Variants in SORCS3 observed in about 807,000 individuals in gnomAD.
The protein encoded by SORCS3 is VPS10 domain-containing receptor SorCS3.
A neutral mutation model predicts 146.3 loss-of-function variants in SORCS3; 57 were observed. That is an observed-to-expected ratio of 0.39 (90% confidence interval 0.31 to 0.49). SORCS3 has a LOEUF of 0.49. SORCS3 is among the 20% of genes least tolerant of loss of function. SORCS3 has a pLI of 0.92. For missense variants in SORCS3, 1,341 were observed against 1,575.5 expected, an observed-to-expected ratio of 0.85 and a Z score of 2.52; for synonymous variants, 653 against 618.5, an observed-to-expected ratio of 1.06 and a Z score of -0.83.
chr10:104,666,453 G>A (rs923360708), intron 1 of SORCS3, among the ~76,000 whole-genome samples: 4 of 152,088 alleles, frequency 2.6e-5, no homozygotes, highest in Non-Finnish European at 4.4e-5. Context: ...TTTTCTGTCC[G>A]GATCCTTGAA....
At chr10:104,876,047 G>A (rs189648396) in intron 2 of SORCS3, among the ~76,000 whole-genome samples, 2 of 152,102 alleles carry the variant, frequency 1.3e-5, no homozygotes, top group East Asian at 3.9e-4. Flanking sequence ...ATACTTCAAG[G>A]TCAAATGCCA....
intron 2 of SORCS3, among the ~76,000 whole-genome samples, chr10:104,872,411 G>A (rs1589531327): frequency 6.6e-6 from 1 of 151,986 alleles, no homozygotes; most frequent in East Asian, 1.9e-4. Flanking sequence ...TTGGCCCAGG[G>A]AAGAAAATAG....
At chr10:104,966,961 T>G (rs1040053437) in intron 3 of SORCS3, among the ~76,000 whole-genome samples, 5 of 152,044 alleles carry the variant, frequency 3.3e-5, no homozygotes, top group Non-Finnish European at 5.9e-5. Context: ...TACAAGTTTT[T>G]TTTTTTTTTT....
intron 22 of SORCS3, among the ~76,000 whole-genome samples, chr10:105,248,314 T>A (rs1045826813): frequency 1.3e-5 from 2 of 152,300 alleles, no homozygotes; most frequent in Admixed American, 1.3e-4. Flanking sequence ...TTGGCACAGA[T>A]TTGCAACTCA....
chr10:105,056,228 T>G (rs1439788753), intron 5 of SORCS3, among the ~76,000 whole-genome samples: 1 of 152,208 alleles, frequency 6.6e-6, no homozygotes, highest in East Asian at 1.9e-4. Flanking sequence ...AGAATAGCGT[T>G]TCTCAACCTC....
chr10:104,755,576 G>T (rs1242717562), intron 1 of SORCS3, among the ~76,000 whole-genome samples: 12 of 152,292 alleles, frequency 7.9e-5, no homozygotes, highest in African/African-American at 2.6e-4. Context: ...TAATCCTGAA[G>T]AATTTAGGAT....
intron 4 of SORCS3, among the ~76,000 whole-genome samples, chr10:104,984,202 C>T (rs747728596): frequency 1.3e-5 from 2 of 152,116 alleles, no homozygotes; most frequent in African/African-American, 4.8e-5. Context: ...AGAAGAAATA[C>T]TTTAAATGTT....
chr10:105,158,813 G>A (rs540421250), intron 10 of SORCS3, 79 bp from the exon 11 acceptor site: 88 of 1,080,634 alleles, frequency 8.1e-5, no homozygotes, highest in Middle Eastern at 2.6e-4. Flanking sequence ...GCTGAACATC[G>A]GGAAGCCCAT....
intron 4 of SORCS3, among the ~76,000 whole-genome samples, chr10:104,979,202 A>G (rs1398874433): frequency 2.0e-5 from 3 of 152,162 alleles, no homozygotes; most frequent in Non-Finnish European, 4.4e-5. Flanking sequence ...CTAGATTACA[A>G]GCTCTATCTT....
At chr10:104,827,960 C>G (rs2017956925) in intron 1 of SORCS3, among the ~76,000 whole-genome samples, 1 of 152,198 alleles carries the variant, frequency 6.6e-6, no homozygotes, top group Admixed American at 6.5e-5. Flanking sequence ...CTCTCTTAGA[C>G]TTCATGGAAC....
intron 1 of SORCS3, among the ~76,000 whole-genome samples, chr10:104,698,454 T>G (rs1394066399): frequency 6.6e-6 from 1 of 152,102 alleles, no homozygotes; most frequent in African/African-American, 2.4e-5. Flanking sequence ...GTAAGAGTTG[T>G]TAGGATTTAG....
At chr10:105,073,744 G>C (rs1317431240) in intron 5 of SORCS3, among the ~76,000 whole-genome samples, 7 of 152,152 alleles carry the variant, frequency 4.6e-5, no homozygotes, top group Non-Finnish European at 1.0e-4. Flanking sequence ...TGGTACCTCG[G>C]ACTGGGTGGG....
intron 1 of SORCS3, among the ~76,000 whole-genome samples, chr10:104,723,401 A>C (rs889026626): frequency 9.2e-5 from 14 of 152,138 alleles, no homozygotes; most frequent in Non-Finnish European, 1.5e-4. Context: ...ACTTCCCACT[A>C]TGTGGTCAAT....
At chr10:104,867,651 C>A (rs1657439833) in intron 2 of SORCS3, among the ~76,000 whole-genome samples, 1 of 152,138 alleles carries the variant, frequency 6.6e-6, no homozygotes, top group Non-Finnish European at 1.5e-5. Context: ...TAGGGTCCTG[C>A]AAGTGCCTTC....
At chr10:104,822,168 GTCAGGTC>G (rs2017881083) in intron 1 of SORCS3, 2 of 502,234 alleles carry the variant, frequency 4.0e-6, no homozygotes, top group Non-Finnish European at 7.9e-6. Context: ...GTATCTGACA[GTCAGGTC>G]TCAGAACTGA....
At chr10:105,161,219 C>G (rs1477391318) in intron 11 of SORCS3, among the ~76,000 whole-genome samples, 1 of 152,196 alleles carries the variant, frequency 6.6e-6, no homozygotes, top group Non-Finnish European at 1.5e-5. Context: ...TGATGAGATC[C>G]TGATGAAAAG....
intron 3 of SORCS3, among the ~76,000 whole-genome samples, chr10:104,930,585 G>C (rs1469642669): frequency 6.6e-6 from 1 of 152,170 alleles, no homozygotes; most frequent in African/African-American, 2.4e-5. Context: ...AATACACCGG[G>C]GTTGATGGGG....
At chr10:105,237,352 C>G (rs1318709154) in intron 20 of SORCS3, among the ~76,000 whole-genome samples, 1 of 152,082 alleles carries the variant, frequency 6.6e-6, no homozygotes, top group African/African-American at 2.4e-5. Flanking sequence ...AGTATTGCTG[C>G]AAGGATTAAG....
At chr10:105,241,926 G>C (rs1161205193) in intron 20 of SORCS3, among the ~76,000 whole-genome samples, 1 of 152,110 alleles carries the variant, frequency 6.6e-6, no homozygotes, top group Non-Finnish European at 1.5e-5. Context: ...AGTAGGTGAA[G>C]AATAGGGATC....
Sources: gnomAD v4.1 joint callset for allele counts (sites outside exome capture counted in the v4.1 genomes callset) on GRCh38, gnomAD v4.1.1 for gene constraint, MANE v1.5 for transcripts, NCBI Gene and HGNC (gene_info 2026-07-23, HGNC 2026-07-21) for gene names.